Variants in SLC10A6 observed in about 807,000 individuals in gnomAD.
SLC10A6 encodes sodium-dependent organic anion transporter.
SLC10A6 carries 27 observed loss-of-function variants against 30.0 expected under a neutral mutation model. The ratio of observed to expected loss-of-function variants is 0.90; its 90% CI spans 0.66 to 1.24. The LOEUF (loss-of-function observed/expected upper bound fraction) is 1.24, where lower values mean the gene tolerates loss of function less well. Ranked by LOEUF, SLC10A6 falls within the 50% of genes most tolerant of loss-of-function variation. SLC10A6 has a pLI of 0.00. For missense variants in SLC10A6, 439 were observed against 457.0 expected (o/e 0.96, Z 0.36); for synonymous variants, 166 against 173.8 (o/e 0.95, Z 0.36).
In SLC10A6 at chr4:86,846,741, A is replaced by C. The variant is rs114636547; in HGVS notation, c.377+1998T>G. ...AACTCCACCCCAAACTATTATCTAT[A>C]TATGTGTGTGTGTGTTTGAGTGTGT... is the stretch of plus-strand genomic sequence containing the variant. On this transcript the variant is annotated intron_variant, in intron 1 of 5. Transcript: ENST00000273905. Among the ~76,000 whole-genome samples the C allele has an allele frequency of 7.1e-3, 1,075 of 152,192 alleles. 19 individuals are homozygous for C. The highest frequency in any genetic ancestry group is 0.024 in the African/African-American group (1,010 of 41,520).
At chr4:86,848,598 G>T in intron 1 of SLC10A6, 141 bp downstream of exon 1, 1 of 1,157,200 alleles carries the variant, frequency 8.6e-7, no homozygotes, top group Non-Finnish European at 1.2e-6. Context: ...ACCCATGGCT[G>T]AACAAGTCTC....
At chr4:86,848,303 A>T (rs1055799906) in intron 1 of SLC10A6, among the ~76,000 whole-genome samples, 3 of 152,216 alleles carry the variant, frequency 2.0e-5, no homozygotes, top group Admixed American at 1.3e-4. Flanking sequence ...GTGCTCAGGC[A>T]TCACTGACTG....
Position 86,848,950 on chromosome 4 carries a change from G to C in SLC10A6, c.166C>G (p.Arg56Gly). The C allele has an allele frequency of 6.2e-7, 1 of 1,613,566 alleles. No individual in the cohort carries two copies. Among genetic ancestry groups the C allele is most frequent in the African/African-American group, 1.3e-5 (1 of 74,782 alleles). ...MFSLGCSVEIRKLWSHIRRPW... is the reference protein window; with the variant it reads ...MFSLGCSVEIGKLWSHIRRPW... ...CTCCTGATGTGCGACCACAGCTTCC[G>C]GATCTCCACGGAACATCCCAAAGAG... Residue 56 changes from arginine to glycine, a missense_variant, in exon 1 of 6, where the codon CGG (arginine) becomes GGG (glycine). By Grantham distance (125) the Arg-to-Gly change is moderately radical. Transcript: ENST00000273905.
intron 1 of SLC10A6, among the ~76,000 whole-genome samples, chr4:86,836,907 A>G (rs542192301): frequency 1.4e-4 from 22 of 151,900 alleles, no homozygotes; most frequent in Admixed American, 4.6e-4. Context: ...ACAGATGCCC[A>G]CCACCACACC....
chr4:86,847,122 A>G (rs914886647), intron 1 of SLC10A6, among the ~76,000 whole-genome samples: 4 of 152,202 alleles, frequency 2.6e-5, no homozygotes, highest in African/African-American at 9.6e-5. Context: ...ACTGATGTAA[A>G]ACAGATGAGA....
In SLC10A6 at chr4:86,823,897, G is replaced by A. The variant is rs1324038748; in HGVS notation, c.925C>T (p.Gln309Ter). 1 of 1,606,156 alleles carries A rather than the reference G, an allele frequency of 6.2e-7. No individual in the cohort carries two copies. Among genetic ancestry groups the A allele is most frequent in the South Asian group, 1.1e-5 (1 of 89,412 alleles). Residue 309 changes from glutamine to a stop codon, truncating the protein, a stop_gained, in exon 6 of 6, where the codon CAG (glutamine) becomes TAG (stop). Transcript: ENST00000273905. LOFTEE classifies it low-confidence loss of function (END_TRUNC). The stretch of plus-strand genomic sequence containing the variant: ...TTCTTCAATCTCCTCTTGTACGTCT[G>A]ATATGCTAGGTGTTAAAACATACAA... ...IDGFLIVAAY[Q>*]TYKRRLKNKH...
At chr4:86,828,698 C>A (rs1746035815) in intron 3 of SLC10A6, among the ~76,000 whole-genome samples, 1 of 152,094 alleles carries the variant, frequency 6.6e-6, no homozygotes, top group Non-Finnish European at 1.5e-5. Context: ...ACAATCTGAG[C>A]TAATACTCAT....
intron 1 of SLC10A6, among the ~76,000 whole-genome samples, chr4:86,842,786 TTTTCTTTCTTTCTTTC>T (rs757772118): frequency 0.016 from 1,693 of 106,670 alleles, 82 homozygotes; most frequent in Non-Finnish European, 0.023. Flanking sequence ...TGGACACCTC[TTTTCTTTCTTTCTTTC>T]TTTCTTTCTT....
intron 1 of SLC10A6, among the ~76,000 whole-genome samples, chr4:86,842,874 C>CTTTCTTTCTT (rs1560461934): frequency 4.7e-5 from 2 of 42,782 alleles, no homozygotes; most frequent in Admixed American, 2.1e-4. Flanking sequence ...TTCTTTCTTT[C>CTTTCTTTCTT]TTTTTTTTTT....
At chr4:86,825,835 C>A (rs940180661) in intron 4 of SLC10A6, among the ~76,000 whole-genome samples, 5 of 152,004 alleles carry the variant, frequency 3.3e-5, no homozygotes, top group African/African-American at 1.2e-4. Context: ...AGCAACAACA[C>A]AAGACAAAGT....
chr4:86,833,517 A>G lies in SLC10A6; in HGVS notation c.378-93T>C, dbSNP rs1746124747. 13 of 889,972 alleles carry G rather than the reference A, an allele frequency of 1.5e-5. No homozygotes were observed. The South Asian group carries it at 2.0e-4, about 14-fold the overall frequency. 55.1% of individuals were successfully genotyped at this position (889,972 alleles called of 1,614,324 possible). ...AGCAACTCCTAGGACACAATTTCCT[A>G]GAGATTACATGGACTAAGCTCCTTG... On this transcript the variant is annotated intron_variant, in intron 1 of 5. Coordinates refer to ENST00000273905, the MANE Select transcript of SLC10A6 (RefSeq NM_197965.3).
chr4:86,848,592 A>G, intron 1 of SLC10A6, 147 bp downstream of exon 1: 1 of 1,097,352 alleles, frequency 9.1e-7, no homozygotes, highest in Admixed American at 2.4e-5. Flanking sequence ...AAGCCCACCC[A>G]TGGCTGAACA....
intron 1 of SLC10A6, among the ~76,000 whole-genome samples, chr4:86,844,687 A>T (rs1268861450): frequency 6.6e-6 from 1 of 152,250 alleles, no homozygotes; most frequent in African/African-American, 2.4e-5. Flanking sequence ...CCAGTTGTCC[A>T]GGTTGAAGCC....
At chr4:86,833,221 C>T (rs1433800571) in intron 2 of SLC10A6, 85 bp downstream of exon 2, 12 of 1,094,394 alleles carry the variant, frequency 1.1e-5, no homozygotes, top group Non-Finnish European at 1.6e-5. Flanking sequence ...AAAATCCCTG[C>T]ATAAAGAGTT....
At chr4:86,845,230 C>A (rs958139008) in intron 1 of SLC10A6, among the ~76,000 whole-genome samples, 2 of 152,210 alleles carry the variant, frequency 1.3e-5, no homozygotes, top group African/African-American at 2.4e-5. Context: ...AGAACAACAT[C>A]ATGACTGGAG....
intron 4 of SLC10A6, among the ~76,000 whole-genome samples, 169 bp downstream of exon 4, chr4:86,827,824 A>G (rs1036595635): frequency 1.3e-5 from 2 of 152,096 alleles, no homozygotes; most frequent in African/African-American, 2.4e-5. Context: ...TTACCACAAT[A>G]TTTTCCATGA....
chr4:86,832,875 T>G (rs531651029), intron 2 of SLC10A6, among the ~76,000 whole-genome samples: 1 of 152,264 alleles, frequency 6.6e-6, no homozygotes, highest in African/African-American at 2.4e-5. Context: ...AAAGGTGAAG[T>G]CACAGGAAGG....
At chr4:86,827,489 T>A (rs981078788) in intron 4 of SLC10A6, among the ~76,000 whole-genome samples, 2 of 152,190 alleles carry the variant, frequency 1.3e-5, no homozygotes, top group Non-Finnish European at 2.9e-5. Context: ...AATTAAAAAT[T>A]CCCAACTTTC....
intron 3 of SLC10A6, 96 bp from the exon 4 acceptor site, chr4:86,828,264 AT>A: frequency 7.5e-7 from 1 of 1,329,232 alleles, no homozygotes; most frequent in Non-Finnish European, 1.0e-6. Context: ...GGATCTAGAA[AT>A]TTTAGAACAA....
Sources: allele counts gnomAD v4.1 joint callset (sites outside exome capture counted in the v4.1 genomes callset), GRCh38; gene constraint gnomAD v4.1.1; transcripts MANE v1.5; gene names NCBI Gene and HGNC (gene_info 2026-07-23, HGNC 2026-07-21).